CALU: variants seen among roughly 807,000 people sequenced by gnomAD.
CALU encodes calumenin.
In CALU, 13 loss-of-function variants were observed where a neutral mutation model predicts 37.5. That is an observed-to-expected ratio of 0.35 (90% CI 0.23 to 0.55). The LOEUF (loss-of-function observed/expected upper bound fraction) is 0.55, where lower values mean the gene tolerates loss of function less well. CALU is among the 20% of genes least tolerant of loss of function. CALU has a pLI of 0.89. For missense variants in CALU, 282 were observed against 391.7 expected (o/e 0.72, Z 2.36); for synonymous variants, 114 against 133.8 (o/e 0.85, Z 1.02).
Position 128,748,579 on chromosome 7 carries a change from T to G in CALU, c.-5T>G. On this transcript the variant is annotated 5_prime_UTR_variant, in exon 2 of 7. Coordinates refer to ENST00000249364, the MANE Select transcript of CALU (RefSeq NM_001219.5). Reference sequence around the variant, plus strand: ...GCTTTTCATTTTCTTCAAGATCTAATTATCATGGACCTGCGACAGTTTCTT... The same window carrying G: ...GCTTTTCATTTTCTTCAAGATCTAAGTATCATGGACCTGCGACAGTTTCTT... The G allele has an allele frequency of 6.2e-7, 1 of 1,611,180 alleles. No individual in the cohort carries two copies. Among genetic ancestry groups the G allele is most frequent in the Non-Finnish European group, 8.5e-7 (1 of 1,178,330 alleles).
At chr7:128,752,614 T>C (rs1800718899) in intron 2 of CALU, among the ~76,000 whole-genome samples, 1 of 152,206 alleles carries the variant, frequency 6.6e-6, no homozygotes, top group Admixed American at 6.5e-5. Flanking sequence ...GTGTTAAAAT[T>C]CTACAGGACT....
intron 1 of CALU, among the ~76,000 whole-genome samples, chr7:128,740,892 A>AT (rs1477420517): frequency 6.6e-5 from 10 of 152,142 alleles, no homozygotes; most frequent in Non-Finnish European, 1.5e-5. Flanking sequence ...TATTGGTGTT[A>AT]TTTTTTAAAA....
rs1163873143 is a variant in CALU at position 128,759,047 on chromosome 7, A to G, written c.582+10A>G. The G allele has an allele frequency of 1.9e-6, 3 of 1,605,206 alleles. No individual in the cohort carries two copies. Among genetic ancestry groups the G allele is most frequent in the African/African-American group, 1.3e-5 (1 of 74,738 alleles). On this transcript the variant is annotated intron_variant, in intron 4 of 6. Transcript: ENST00000249364. The stretch of plus-strand genomic sequence containing the variant: ...AGATATAGTAGTACAGGTGGGTGAG[A>G]TGAAGGATTCTGAACAGGGACTCAG...
At chr7:128,745,987 G>C (rs1005496861) in intron 1 of CALU, among the ~76,000 whole-genome samples, 2 of 152,128 alleles carry the variant, frequency 1.3e-5, no homozygotes, top group Non-Finnish European at 2.9e-5. Context: ...CACCATTTAT[G>C]TGCATGTTAT....
At chr7:128,748,976 A>G (rs1026071556) in intron 2 of CALU, among the ~76,000 whole-genome samples, 172 bp downstream of exon 2, 1 of 152,226 alleles carries the variant, frequency 6.6e-6, no homozygotes, top group African/African-American at 2.4e-5. Flanking sequence ...GCCTGATTTC[A>G]TACATTTTTA....
intron 3 of CALU, among the ~76,000 whole-genome samples, chr7:128,758,052 AC>A (rs546294549): frequency 0.018 from 2,684 of 151,770 alleles, 40 homozygotes; most frequent in Non-Finnish European, 0.026. Context: ...CATATCCATT[AC>A]CCCCCCAACA....
chr7:128,746,990 G>C (rs937160974), intron 1 of CALU, among the ~76,000 whole-genome samples: 2 of 151,736 alleles, frequency 1.3e-5, no homozygotes, highest in African/African-American at 2.4e-5. Context: ...GGATGATCTC[G>C]ATCTCCTGAC....
chr7:128,749,861 G>A (rs184792625), intron 2 of CALU, among the ~76,000 whole-genome samples: 1 of 152,236 alleles, frequency 6.6e-6, no homozygotes, highest in Non-Finnish European at 1.5e-5. Context: ...TTTCTATTAG[G>A]TTGCTTTCCT....
At chr7:128,754,763 G>C in intron 3 of CALU, 1 of 1,346,476 alleles carries the variant, frequency 7.4e-7, no homozygotes, top group Non-Finnish European at 1.0e-6. Context: ...CCGTGGTCTT[G>C]AGTCAAAGAA....
chr7:128,767,048 A>G (rs537716662), intron 5 of CALU, among the ~76,000 whole-genome samples: 6 of 152,282 alleles, frequency 3.9e-5, no homozygotes, highest in African/African-American at 1.4e-4. Context: ...GCTTGTCCCA[A>G]CTGAAGGCCA....
chr7:128,750,220 C>CA (rs398006225), intron 2 of CALU, among the ~76,000 whole-genome samples: 5,412 of 74,782 alleles, frequency 0.072, 191 homozygotes, highest in South Asian at 0.16. Context: ...AGAGCCATCT[C>CA]AAAAAAAAAA....
At chr7:128,750,220 CAAAAAA>C (rs398006225) in intron 2 of CALU, among the ~76,000 whole-genome samples, 1 of 75,098 alleles carries the variant, frequency 1.3e-5, no homozygotes, top group African/African-American at 4.9e-5. Flanking sequence ...AGAGCCATCT[CAAAAAA>C]AAAAAAAAAA....
At chr7:128,764,062 C>CAGCATTCCCTTA (rs1457541667) in intron 5 of CALU, among the ~76,000 whole-genome samples, 1 of 152,160 alleles carries the variant, frequency 6.6e-6, no homozygotes, top group Non-Finnish European at 1.5e-5. Context: ...ATTTGACCAA[C>CAGCATTCCCTTA]AGCATTCCCT....
At chr7:128,751,286 C>CAAAA (rs34162068) in intron 2 of CALU, among the ~76,000 whole-genome samples, 1 of 104,308 alleles carries the variant, frequency 9.6e-6, no homozygotes, top group South Asian at 3.4e-4. Context: ...GACTCCGTCT[C>CAAAA]AAAAAAAAAA....
chr7:128,758,763 T>C (rs935679235), intron 3 of CALU, 108 bp from the exon 4 acceptor site: 2 of 789,338 alleles, frequency 2.5e-6, no homozygotes, highest in Admixed American at 2.3e-5. Context: ...TCATCAATTA[T>C]TTCTTCCTTG....
chr7:128,764,943 C>G (rs562428424), intron 5 of CALU, among the ~76,000 whole-genome samples: 1 of 152,224 alleles, frequency 6.6e-6, no homozygotes, highest in South Asian at 2.1e-4. Context: ...TTTAAAAAGA[C>G]AAGAGTCTCA....
intron 1 of CALU, among the ~76,000 whole-genome samples, chr7:128,746,905 A>C (rs1384055090): frequency 1.3e-5 from 2 of 151,204 alleles, no homozygotes; most frequent in Non-Finnish European, 2.9e-5. Context: ...AGTAGCTGGG[A>C]CTACAGGCAC....
At chr7:128,761,169 A>G (rs1015213297) in intron 5 of CALU, among the ~76,000 whole-genome samples, 1 of 151,826 alleles carries the variant, frequency 6.6e-6, no homozygotes, top group African/African-American at 2.4e-5. Context: ...ATTGTTTTGG[A>G]TGTCACACCT....
At chr7:128,768,847 C>CAAAAAAAAAAAAAAA (rs1012831963) in intron 6 of CALU, among the ~76,000 whole-genome samples, 2,604 of 54,906 alleles carry the variant, frequency 0.047, 370 homozygotes, top group Non-Finnish European at 0.059. Flanking sequence ...AACTCCGTCT[C>CAAAAAAAAAAAAAAA]AAAAAAAAAA....
Sources: gnomAD v4.1 joint callset for allele counts (sites outside exome capture counted in the v4.1 genomes callset) on GRCh38, gnomAD v4.1.1 for gene constraint, MANE v1.5 for transcripts, NCBI Gene and HGNC (gene_info 2026-07-23, HGNC 2026-07-21) for gene names.